Variants in STXBP5L observed in about 807,000 individuals in gnomAD.
STXBP5L encodes syntaxin binding protein 5L.
STXBP5L carries 65 observed loss-of-function variants against 144.5 expected under a neutral mutation model. The ratio of observed to expected loss-of-function variants is 0.45; its 90% CI spans 0.37 to 0.55. STXBP5L has a LOEUF of 0.55. STXBP5L is among the 20% of genes least tolerant of loss of function. The pLI is 0.00. For synonymous variants in STXBP5L, 505 were observed against 469.6 expected, an observed-to-expected ratio of 1.08 and a Z score of -0.97; for missense variants, 1,298 against 1,405.5, an observed-to-expected ratio of 0.92 and a Z score of 1.22.
intron 20 of STXBP5L, among the ~76,000 whole-genome samples, chr3:121,373,714 AC>A (rs2046098922): frequency 6.6e-6 from 1 of 152,062 alleles, no homozygotes; most frequent in Non-Finnish European, 1.5e-5. Flanking sequence ...TACTATGGAC[AC>A]CACTAGTGCC....
intron 14 of STXBP5L, among the ~76,000 whole-genome samples, chr3:121,249,490 A>G (rs2049964366): frequency 6.6e-6 from 1 of 152,096 alleles, no homozygotes; most frequent in African/African-American, 2.4e-5. Context: ...TGTTATTTCC[A>G]AATGTCTATT....
chr3:121,314,072 A>T (rs1478221385), intron 19 of STXBP5L, among the ~76,000 whole-genome samples: 1 of 147,202 alleles, frequency 6.8e-6, no homozygotes, highest in Non-Finnish European at 1.5e-5. Flanking sequence ...CGCTTCCTAG[A>T]TGGGATGGCG....
chr3:121,008,529 G>A (rs1270270154), intron 3 of STXBP5L, among the ~76,000 whole-genome samples: 1 of 151,780 alleles, frequency 6.6e-6, no homozygotes, highest in Admixed American at 6.6e-5. Flanking sequence ...CAACTAATGG[G>A]GATACAACAC....
chr3:121,012,280 G>T (rs566205887), intron 3 of STXBP5L, among the ~76,000 whole-genome samples: 2 of 151,856 alleles, frequency 1.3e-5, no homozygotes, highest in South Asian at 4.1e-4. Context: ...GAACATTTGT[G>T]CACAGGCTTT....
intron 9 of STXBP5L, among the ~76,000 whole-genome samples, chr3:121,183,689 C>G (rs1334295032): frequency 2.0e-5 from 3 of 151,518 alleles, no homozygotes; most frequent in Non-Finnish European, 4.4e-5. Flanking sequence ...AGGAAGGAAG[C>G]AAGGAAGGGC....
intron 20 of STXBP5L, among the ~76,000 whole-genome samples, chr3:121,336,476 G>T (rs560887933): frequency 5.9e-5 from 9 of 151,856 alleles, no homozygotes; most frequent in African/African-American, 2.2e-4. Context: ...CAGCCTGGGC[G>T]TCAGCAAGAC....
intron 3 of STXBP5L, among the ~76,000 whole-genome samples, chr3:121,004,872 G>A (rs1372449838): frequency 2.0e-5 from 3 of 152,134 alleles, no homozygotes; most frequent in Non-Finnish European, 4.4e-5. Flanking sequence ...TGCATATGTT[G>A]AACCAGCCTT....
At chr3:121,157,691 G>C in intron 9 of STXBP5L, 64 bp downstream of exon 9, 2 of 1,550,046 alleles carry the variant, frequency 1.3e-6, no homozygotes, top group Non-Finnish European at 1.7e-6. Flanking sequence ...TGAAGTAAGA[G>C]AGATGGTATT....
intron 5 of STXBP5L, among the ~76,000 whole-genome samples, chr3:121,094,770 A>G (rs1029421148): frequency 6.6e-6 from 1 of 152,066 alleles, no homozygotes; most frequent in East Asian, 1.9e-4. Context: ...TAGTCCATTT[A>G]CATTGAAAGT....
intron 19 of STXBP5L, among the ~76,000 whole-genome samples, chr3:121,297,841 A>G (rs1388792530): frequency 6.6e-6 from 1 of 152,260 alleles, no homozygotes; most frequent in African/African-American, 2.4e-5. Context: ...ACGCTGAAAA[A>G]GAACCAAATG....
intron 2 of STXBP5L, among the ~76,000 whole-genome samples, chr3:120,943,654 T>G (rs950159890): frequency 4.6e-5 from 7 of 151,644 alleles, no homozygotes; most frequent in Non-Finnish European, 1.0e-4. Flanking sequence ...TTTATAATGC[T>G]TAAAACAATC....
At chr3:121,316,765 A>G (rs1347940340) in intron 19 of STXBP5L, among the ~76,000 whole-genome samples, 3 of 152,218 alleles carry the variant, frequency 2.0e-5, no homozygotes, top group East Asian at 1.9e-4. Context: ...AAAACCTTTC[A>G]GAGATCTGTA....
At chr3:121,246,759 A>G (rs2049866568) in intron 14 of STXBP5L, among the ~76,000 whole-genome samples, 1 of 152,214 alleles carries the variant, frequency 6.6e-6, no homozygotes, top group Non-Finnish European at 1.5e-5. Context: ...ACAAAAAGGA[A>G]CAAATTATTA....
At chr3:121,253,487 T>C (rs2050093826) in intron 15 of STXBP5L, among the ~76,000 whole-genome samples, 1 of 151,852 alleles carries the variant, frequency 6.6e-6, no homozygotes, top group African/African-American at 2.4e-5. Flanking sequence ...AACATTCACT[T>C]ACATAACCAG....
chr3:121,339,861 G>A (rs1359618951), intron 20 of STXBP5L, among the ~76,000 whole-genome samples: 1 of 150,012 alleles, frequency 6.7e-6, no homozygotes, highest in African/African-American at 2.4e-5. Flanking sequence ...AGGTGAAAGA[G>A]CTCTACAAGG....
intron 5 of STXBP5L, among the ~76,000 whole-genome samples, chr3:121,102,250 C>T (rs976644675): frequency 6.6e-6 from 1 of 151,966 alleles, no homozygotes; most frequent in Admixed American, 6.6e-5. Context: ...GCCCAAATAG[C>T]CAAATCAGTC....
At chr3:121,313,229 C>T (rs1348616366) in intron 19 of STXBP5L, among the ~76,000 whole-genome samples, 2 of 131,486 alleles carry the variant, frequency 1.5e-5, no homozygotes, top group African/African-American at 3.0e-5. Context: ...ACCCCCCCCA[C>T]CTCCCTCCCG....
chr3:121,045,872 G>T (rs1185324102), intron 5 of STXBP5L, among the ~76,000 whole-genome samples: 1 of 151,996 alleles, frequency 6.6e-6, no homozygotes, highest in Non-Finnish European at 1.5e-5. Context: ...TCTCTTGCAT[G>T]ATTGCTCTGC....
intron 7 of STXBP5L, among the ~76,000 whole-genome samples, chr3:121,135,469 T>C (rs2045205633): frequency 6.6e-6 from 1 of 152,106 alleles, no homozygotes; most frequent in East Asian, 1.9e-4. Context: ...TAAGCTTGTT[T>C]TGCTGCAACT....
Sources: allele counts gnomAD v4.1 joint callset (sites outside exome capture counted in the v4.1 genomes callset), GRCh38; gene constraint gnomAD v4.1.1; transcripts MANE v1.5; gene names NCBI Gene and HGNC (gene_info 2026-07-23, HGNC 2026-07-21).